The following DLGAP1 variants were observed in gnomAD, a reference collection of about 807,000 sequenced individuals.
DLGAP1 encodes the protein DLG associated protein 1.
Under a neutral mutation model 90.8 loss-of-function variants are expected in DLGAP1, and 11 were observed. That is an observed-to-expected ratio of 0.12 (90% CI 0.08 to 0.20). The LOEUF is 0.20. Ranked by LOEUF, DLGAP1 falls within the 10% of genes least tolerant of loss-of-function variation. The probability of loss-of-function intolerance (pLI) is 1.00; values close to 1 mark genes in which losing one functional copy is unlikely to be tolerated. For synonymous variants in DLGAP1, 558 were observed against 540.7 expected, an observed-to-expected ratio of 1.03 and a Z score of -0.44; for missense variants, 1,050 against 1,333.8, an observed-to-expected ratio of 0.79 and a Z score of 3.31.
Position 3,547,545 on chromosome 18 carries a change from T to C in DLGAP1, c.2058-12930A>G, listed in dbSNP as rs958862067. On this transcript the variant is annotated intron_variant, in intron 9 of 12. Transcript: ENST00000315677. ...AACATCATTAGTCATTACAGATATA[T>C]AGATCCACACCACAATGACATGCCA... is the stretch of plus-strand genomic sequence containing the variant. Among the ~76,000 whole-genome samples the C allele has an allele frequency of 3.3e-5, 5 of 151,466 alleles. No individual in the cohort carries two copies. The East Asian group carries it at 9.7e-4, about 29-fold the overall frequency.
intron 3 of DLGAP1, among the ~76,000 whole-genome samples, chr18:3,904,644 A>T (rs2071856476): frequency 1.3e-5 from 2 of 152,214 alleles, no homozygotes; most frequent in Non-Finnish European, 2.9e-5. Flanking sequence ...GATTTCCTAT[A>T]GTTTAACCAC....
At chr18:4,405,834 T>C (rs2082651159) in intron 1 of DLGAP1, among the ~76,000 whole-genome samples, 2 of 152,168 alleles carry the variant, frequency 1.3e-5, no homozygotes, top group Admixed American at 6.5e-5. Flanking sequence ...GGGAAGGTTT[T>C]GACTACCAGT....
intron 6 of DLGAP1, among the ~76,000 whole-genome samples, chr18:3,733,712 T>C (rs1185892604): frequency 6.6e-6 from 1 of 152,222 alleles, no homozygotes; most frequent in Non-Finnish European, 1.5e-5. Flanking sequence ...TCTCAGAATG[T>C]GTTCATGGAA....
At chr18:4,149,973 A>G (rs1458403929) in intron 2 of DLGAP1, among the ~76,000 whole-genome samples, 1 of 152,240 alleles carries the variant, frequency 6.6e-6, no homozygotes, top group Non-Finnish European at 1.5e-5. Flanking sequence ...AAAACCAAGG[A>G]GAAAAAGTCA....
chr18:4,374,938 C>A (rs2081985704), intron 1 of DLGAP1, among the ~76,000 whole-genome samples: 1 of 151,914 alleles, frequency 6.6e-6, no homozygotes, highest in South Asian at 2.1e-4. Flanking sequence ...CAAATTTTAA[C>A]TATATTAATA....
In DLGAP1 at chr18:3,967,953, A is replaced by G. The variant is rs1446250104; in HGVS notation, c.-73+37163T>C. Among the ~76,000 whole-genome samples the G allele has an allele frequency of 3.3e-5, 5 of 152,054 alleles. No individual in the cohort carries two copies. In the South Asian group the frequency reaches 1.0e-3, roughly 32 times the overall value. ...ATACTTCCCTTCTTAGGACTCCTTC[A>G]CATTCTCCTTGTGGCTGTTTTGAAC... On this transcript the variant is annotated intron_variant, in intron 3 of 12. Transcript: ENST00000315677.
chr18:3,905,366 C>CAAAA (rs71160924), intron 3 of DLGAP1, among the ~76,000 whole-genome samples: 323 of 19,818 alleles, frequency 0.016, 30 homozygotes, highest in African/African-American at 0.035. Flanking sequence ...GACTCCATCT[C>CAAAA]AAAAAAAAAA....
At chr18:3,778,164 G>C (rs2065019523) in intron 5 of DLGAP1, among the ~76,000 whole-genome samples, 1 of 152,060 alleles carries the variant, frequency 6.6e-6, no homozygotes, top group African/African-American at 2.4e-5. Flanking sequence ...GTCAAGGCTG[G>C]GCACGATGGC....
chr18:3,674,998 C>G (rs1188504153), intron 7 of DLGAP1, among the ~76,000 whole-genome samples: 1 of 151,482 alleles, frequency 6.6e-6, no homozygotes, highest in African/African-American at 2.4e-5. Context: ...CCTCCACTAT[C>G]AGTACCGAGT....
chr18:3,644,689 A>G (rs2059058332), intron 7 of DLGAP1, among the ~76,000 whole-genome samples: 1 of 152,222 alleles, frequency 6.6e-6, no homozygotes, highest in South Asian at 2.1e-4. Context: ...CTGGGATTAC[A>G]GGCGTGAGCC....
intron 1 of DLGAP1, among the ~76,000 whole-genome samples, chr18:4,392,795 C>T (rs140701052): frequency 8.5e-5 from 13 of 152,260 alleles, no homozygotes; most frequent in South Asian, 2.1e-4. Context: ...GTCTCAAAGA[C>T]GCTGCAAACT....
At chr18:3,634,658 C>A (rs781455183) in intron 7 of DLGAP1, among the ~76,000 whole-genome samples, 2 of 152,124 alleles carry the variant, frequency 1.3e-5, no homozygotes, top group Non-Finnish European at 2.9e-5. Flanking sequence ...TTAATACAAA[C>A]TGGTTCATGG....
intron 3 of DLGAP1, among the ~76,000 whole-genome samples, chr18:3,911,610 T>A (rs1045839541): frequency 6.6e-6 from 1 of 152,218 alleles, no homozygotes; most frequent in African/African-American, 2.4e-5. Flanking sequence ...TCTAGCTAAT[T>A]GAATCACCCA....
intron 7 of DLGAP1, among the ~76,000 whole-genome samples, chr18:3,725,718 T>C (rs1413861046): frequency 6.6e-6 from 1 of 152,178 alleles, no homozygotes; most frequent in Non-Finnish European, 1.5e-5. Flanking sequence ...GATTCTACCA[T>C]AGTTAGACAA....
intron 1 of DLGAP1, among the ~76,000 whole-genome samples, chr18:4,204,020 T>C (rs1250315531): frequency 6.6e-6 from 1 of 152,192 alleles, no homozygotes; most frequent in Non-Finnish European, 1.5e-5. Flanking sequence ...GATTTGACTG[T>C]CAAATAACAC....
chr18:3,994,083 T>C (rs1475171450), intron 3 of DLGAP1, among the ~76,000 whole-genome samples: 1 of 152,046 alleles, frequency 6.6e-6, no homozygotes, highest in African/African-American at 2.4e-5. Flanking sequence ...AGTGAGAATG[T>C]TCAGTGGCCT....
chr18:3,939,265 G>A (rs8094994), intron 3 of DLGAP1, among the ~76,000 whole-genome samples: 107,674 of 151,264 alleles, frequency 0.71, 38,417 homozygotes, highest in African/African-American at 0.76. Flanking sequence ...TTAAAAATAC[G>A]AAAGTTAGCC....
At chr18:3,909,800 A>G (rs965043371) in intron 3 of DLGAP1, among the ~76,000 whole-genome samples, 1 of 152,060 alleles carries the variant, frequency 6.6e-6, no homozygotes, top group South Asian at 2.1e-4. Flanking sequence ...TCACCTTTCT[A>G]TTTACCTAGA....
intron 7 of DLGAP1, among the ~76,000 whole-genome samples, chr18:3,623,950 T>C (rs1297009860): frequency 6.6e-6 from 1 of 152,160 alleles, no homozygotes; most frequent in East Asian, 1.9e-4. Context: ...CAGTGGGATC[T>C]GGTACTTTTC....
Sources: gnomAD v4.1 joint callset for allele counts (sites outside exome capture counted in the v4.1 genomes callset) on GRCh38, gnomAD v4.1.1 for gene constraint, MANE v1.5 for transcripts, NCBI Gene and HGNC (gene_info 2026-07-23, HGNC 2026-07-21) for gene names.